Variants in USP3 observed in about 807,000 individuals in gnomAD.
USP3 encodes ubiquitin carboxyl-terminal hydrolase 3.
Under a neutral mutation model 72.3 loss-of-function variants are expected in USP3, and 20 were observed. The observed-to-expected ratio is 0.28, with a 90% CI of 0.19 to 0.40. The LOEUF is 0.40. USP3 is among the 10% of genes least tolerant of loss of function. The pLI is 1.00. For missense variants in USP3, 479 were observed against 633.9 expected (o/e 0.76, Z 2.62); for synonymous variants, 222 against 225.3 (o/e 0.99, Z 0.13).
In USP3 at chr15:63,547,739, AGAGAGGGAGG is replaced by A. The variant is rs1421357743; in HGVS notation, c.285-5972_285-5963del. ...TGTCTCAATAGAGAGAGAGAGAGAG[AGAGAGGGAGG>A]GAGGGAGGGAGGGAGAGAGAGAGAG... On this transcript the variant is annotated intron_variant, in intron 3 of 14. Transcript: ENST00000380324. Among the ~76,000 whole-genome samples, 41 of 21,384 alleles carry A rather than the reference AGAGAGGGAGG, an allele frequency of 1.9e-3. 1 individual carries two copies. Among genetic ancestry groups the A allele is most frequent in the African/African-American group, 6.7e-3 (29 of 4,338 alleles). 14.0% of individuals were successfully genotyped at this position (21,384 alleles called of 152,430 possible).
intron 3 of USP3, among the ~76,000 whole-genome samples, chr15:63,551,142 AAGCCAGTTCATATTAAATT>A (rs1374873725): frequency 6.6e-6 from 1 of 152,228 alleles, no homozygotes; most frequent in African/African-American, 2.4e-5. Context: ...TTTTTGACTG[AAGCCAGTTCATATTAAATT>A]GAAATGCATT....
intron 11 of USP3, among the ~76,000 whole-genome samples, chr15:63,584,368 G>T (rs2067019971): frequency 6.6e-6 from 1 of 152,136 alleles, no homozygotes; most frequent in African/African-American, 2.4e-5. Context: ...AAAGTGCTGG[G>T]ATTACAGGTG....
chr15:63,507,510 A>G (rs1264505091), intron 1 of USP3, among the ~76,000 whole-genome samples: 1 of 152,228 alleles, frequency 6.6e-6, no homozygotes, highest in African/African-American at 2.4e-5. Context: ...AGGTGGTATT[A>G]GAGGTCAGAA....
chr15:63,542,536 A>G (rs562712434), intron 3 of USP3, among the ~76,000 whole-genome samples: 370 of 152,200 alleles, frequency 2.4e-3, no homozygotes, highest in Non-Finnish European at 3.4e-3. Context: ...GAAAAATTAT[A>G]TAATTACCAA....
intron 1 of USP3, among the ~76,000 whole-genome samples, chr15:63,524,279 A>C (rs2065952285): frequency 6.6e-6 from 1 of 152,232 alleles, no homozygotes; most frequent in South Asian, 2.1e-4. Flanking sequence ...ATAGCTTTGA[A>C]TCCTACTGGG....
chr15:63,586,418 T>C (rs1424820379), intron 11 of USP3, among the ~76,000 whole-genome samples: 3 of 152,234 alleles, frequency 2.0e-5, no homozygotes, highest in Non-Finnish European at 4.4e-5. Context: ...TTATTTCTTA[T>C]TCTCCCTATG....
At position 63,533,893 on chromosome 15, in the gene USP3, C is replaced by T. The variant is rs544274405; in HGVS notation, c.152+1186C>T. On this transcript the variant is annotated intron_variant, in intron 2 of 14. Coordinates refer to ENST00000380324, the MANE Select transcript of USP3 (RefSeq NM_006537.4). ...CACTTAAATTCTGCAGTTGAAGAGA[C>T]AGATTCCTCTCCTAGATTTTGAGAG... 20 of 1,187,174 alleles carry T rather than the reference C, an allele frequency of 1.7e-5. No homozygotes were observed. The African/African-American group carries it at 3.3e-4, about 19-fold the overall frequency. 73.5% of individuals were successfully genotyped at this position (1,187,174 alleles called of 1,614,324 possible). A position where few individuals can be genotyped will look rare whatever the true frequency, so the allele number is the denominator to read the frequency against.
At chr15:63,545,637 A>G (rs1414782559) in intron 3 of USP3, among the ~76,000 whole-genome samples, 1 of 151,876 alleles carries the variant, frequency 6.6e-6, no homozygotes, top group East Asian at 1.9e-4. Flanking sequence ...CTTTCTATTA[A>G]ATATAGTCCT....
intron 7 of USP3, 92 bp from the exon 8 acceptor site, chr15:63,562,803 T>G: frequency 1.4e-6 from 1 of 704,136 alleles, no homozygotes; most frequent in Admixed American, 2.8e-5. Context: ...AGTGTTCATT[T>G]CCTATATATT....
chr15:63,512,421 TTTTC>T (rs760393565), intron 1 of USP3, among the ~76,000 whole-genome samples: 11 of 151,114 alleles, frequency 7.3e-5, no homozygotes, highest in Admixed American at 1.3e-4. Context: ...TCTTCTTTCT[TTTTC>T]TTTCTTCTTT....
intron 3 of USP3, among the ~76,000 whole-genome samples, chr15:63,547,753 GGAGGGAGGGAGAGAGAGAGA>G (rs1567108545): frequency 2.2e-4 from 9 of 40,264 alleles, no homozygotes; most frequent in African/African-American, 5.0e-4. Flanking sequence ...AGGGAGGGAG[GGAGGGAGGGAGAGAGAGAGA>G]GAGAGAGAGA....
Position 63,529,048 on chromosome 15 carries a change from C to T in USP3, c.92-3599C>T. ...GTTTATCTGGTGTGACTGTATTATG[C>T]CCTCAGAGAGTACTGTATGTTGCCC... On this transcript the variant is annotated intron_variant, in intron 1 of 14. Transcript: ENST00000380324. This position sits in a 1 kb window ranked among gnomAD's most constrained non-coding sequence, Gnocchi z 4.2. 2 of 1,288,896 alleles carry T rather than the reference C, an allele frequency of 1.6e-6. No individual in the cohort carries two copies. 79.8% of individuals were successfully genotyped at this position (1,288,896 alleles called of 1,614,324 possible).
In USP3 at chr15:63,570,720, C is replaced by A. The variant is rs1036431414; in HGVS notation, c.908+141C>A. 2 of 1,205,596 alleles carry A rather than the reference C, an allele frequency of 1.7e-6. No individual in the cohort carries two copies. Among genetic ancestry groups the A allele is most frequent in the South Asian group, 1.6e-5 (1 of 64,416 alleles). The allele number at this position is 1,205,596 out of a possible 1,614,324, so 74.7% of individuals were successfully genotyped here. ...TTTTCGTGCCCTTGAACTTTGTGAC[C>A]CAGTGAACTAGCACATACCTCTTGC... is the stretch of plus-strand genomic sequence containing the variant. On this transcript the variant is annotated intron_variant, in intron 9 of 14. Transcript: ENST00000380324. The surrounding 1 kb of genome is among the most constrained non-coding windows in gnomAD (Gnocchi z 4.4).
chr15:63,517,047 T>G (rs2065859435), intron 1 of USP3, among the ~76,000 whole-genome samples: 1 of 151,900 alleles, frequency 6.6e-6, no homozygotes, highest in South Asian at 2.1e-4. Flanking sequence ...ATTTTTTTTT[T>G]TATTATATTA....
At chr15:63,583,528 G>A (rs1373037595) in intron 11 of USP3, among the ~76,000 whole-genome samples, 1 of 152,148 alleles carries the variant, frequency 6.6e-6, no homozygotes, top group African/African-American at 2.4e-5. Context: ...AGTGTCTTAA[G>A]TGTGTAATTC....
chr15:63,508,867 CTT>C (rs1368552121), intron 1 of USP3, among the ~76,000 whole-genome samples: 1 of 152,164 alleles, frequency 6.6e-6, no homozygotes, highest in Non-Finnish European at 1.5e-5. Context: ...GAGAGTGCCT[CTT>C]TAAGTTTTCA....
chr15:63,578,767 C>T (rs149355523), intron 11 of USP3, among the ~76,000 whole-genome samples: 4 of 152,172 alleles, frequency 2.6e-5, no homozygotes, highest in African/African-American at 9.6e-5. Flanking sequence ...AAATATTGCT[C>T]AGATGTCTTC....
At chr15:63,527,819 G>C (rs2066007643) in intron 1 of USP3, 1 of 152,196 alleles carries the variant, frequency 6.6e-6, no homozygotes, top group African/African-American at 2.4e-5. Context: ...TTGGCCTCTA[G>C]GTCACTTAGA....
intron 2 of USP3, 93 bp from the exon 3 acceptor site, chr15:63,536,932 A>G (rs2066166886): frequency 7.5e-7 from 1 of 1,326,302 alleles, no homozygotes. Context: ...GGATTTCTTT[A>G]TTTTGATTTG....
Sources: gnomAD v4.1 joint callset for allele counts (sites outside exome capture counted in the v4.1 genomes callset) on GRCh38, gnomAD v4.1.1 for gene constraint, Gnocchi (gnomAD v3.1) non-coding constraint, MANE v1.5 for transcripts, NCBI Gene and HGNC (gene_info 2026-07-23, HGNC 2026-07-21) for gene names.